Variants in BRINP3 observed in about 807,000 individuals in gnomAD.
The protein encoded by BRINP3 is BMP/retinoic acid inducible neural specific 3.
BRINP3 carries 19 observed loss-of-function variants against 71.0 expected under a neutral mutation model. That is an observed-to-expected ratio of 0.27 (90% CI 0.19 to 0.39). The LOEUF is 0.39. Ranked by LOEUF, BRINP3 falls within the 10% of genes least tolerant of loss-of-function variation. The probability of loss-of-function intolerance (pLI) is 1.00; values close to 1 mark genes in which losing one functional copy is unlikely to be tolerated. For missense variants in BRINP3, 959 were observed against 940.8 expected (o/e 1.02, Z -0.25); for synonymous variants, 380 against 337.7 (o/e 1.13, Z -1.37).
chr1:190,180,885 T>A (rs1018250542), intron 6 of BRINP3, among the ~76,000 whole-genome samples: 12 of 152,096 alleles, frequency 7.9e-5, no homozygotes, highest in African/African-American at 2.9e-4. Flanking sequence ...TCTGTACCTT[T>A]CATCCAGGTT....
intron 6 of BRINP3, among the ~76,000 whole-genome samples, chr1:190,196,008 T>G (rs757404026): frequency 2.2e-4 from 34 of 152,170 alleles, no homozygotes; most frequent in Non-Finnish European, 4.3e-4. Context: ...GTTCAAATGT[T>G]GTAAGCATGA....
At position 190,405,450 on chromosome 1, in the gene BRINP3, C is replaced by CAAAAAAAA. The variant is rs1334402738; in HGVS notation, c.236+49197_236+49204dup. 6.1e-4 allele frequency among the ~76,000 whole-genome samples: 24 copies of CAAAAAAAA among 39,146 alleles called. 8 individuals are homozygous for CAAAAAAAA. Among genetic ancestry groups the CAAAAAAAA allele is most frequent in the South Asian group, 2.2e-3 (2 of 892 alleles). The allele number at this position is 39,146 out of a possible 152,430, so 25.7% of individuals were successfully genotyped here. On this transcript the variant is annotated intron_variant, in intron 2 of 7. Transcript: ENST00000367462. The stretch of plus-strand genomic sequence containing the variant: ...TGGGCGACAGAGCGAGACTCCGTCT[C>CAAAAAAAA]AAAAAAAAAAAAAAAAAAAAAAAAA...
chr1:190,421,599 G>A (rs1400469072), intron 2 of BRINP3, among the ~76,000 whole-genome samples: 1 of 151,558 alleles, frequency 6.6e-6, no homozygotes, highest in Non-Finnish European at 1.5e-5. Flanking sequence ...AGTCATTAAT[G>A]TGACCATATA....
chr1:190,129,844 T>C (rs2102347034), intron 7 of BRINP3, among the ~76,000 whole-genome samples: 1 of 152,092 alleles, frequency 6.6e-6, no homozygotes, highest in Non-Finnish European at 1.5e-5. Context: ...ATGATAAATA[T>C]ATCGATAAGA....
intron 3 of BRINP3, among the ~76,000 whole-genome samples, chr1:190,270,161 A>C (rs908376183): frequency 6.6e-6 from 1 of 151,860 alleles, no homozygotes; most frequent in Non-Finnish European, 1.5e-5. Context: ...ATTTGGAAAA[A>C]AGCATCAAAC....
At chr1:190,100,943 C>G (rs190788173) in intron 7 of BRINP3, among the ~76,000 whole-genome samples, 1 of 152,198 alleles carries the variant, frequency 6.6e-6, no homozygotes, top group African/African-American at 2.4e-5. Context: ...GAAATGCCCT[C>G]ATGAACAGAT....
chr1:190,329,703 G>A (rs1666840418), intron 2 of BRINP3, among the ~76,000 whole-genome samples: 1 of 151,862 alleles, frequency 6.6e-6, no homozygotes, highest in African/African-American at 2.4e-5. Context: ...GCAACCCTGA[G>A]CACAAAGAAC....
At chr1:190,208,331 A>G (rs968335061) in intron 6 of BRINP3, among the ~76,000 whole-genome samples, 32 of 151,948 alleles carry the variant, frequency 2.1e-4, no homozygotes, top group South Asian at 2.1e-4. Flanking sequence ...TGAGGCATTA[A>G]TGATAACCTC....
chr1:190,323,567 G>A (rs1666386896), intron 2 of BRINP3, among the ~76,000 whole-genome samples: 1 of 149,292 alleles, frequency 6.7e-6, no homozygotes, highest in African/African-American at 2.5e-5. Flanking sequence ...ATAATTTAAT[G>A]TCTACCTCAG....
At chr1:190,315,271 T>G (rs1665805556) in intron 2 of BRINP3, among the ~76,000 whole-genome samples, 1 of 152,080 alleles carries the variant, frequency 6.6e-6, no homozygotes. Flanking sequence ...CAGTGATGTT[T>G]GAGCTTAAAA....
intron 4 of BRINP3, among the ~76,000 whole-genome samples, chr1:190,247,438 C>A (rs1659712194): frequency 6.6e-6 from 1 of 151,912 alleles, no homozygotes; most frequent in South Asian, 2.1e-4. Flanking sequence ...TGCATTTTGT[C>A]TATGCTGATG....
chr1:190,290,491 G>C (rs1451242941), intron 2 of BRINP3, among the ~76,000 whole-genome samples: 1 of 152,048 alleles, frequency 6.6e-6, no homozygotes, highest in Non-Finnish European at 1.5e-5. Flanking sequence ...TATTTGACTA[G>C]TTTTCTCCTA....
At chr1:190,461,428 A>AT (rs1434002570) in intron 1 of BRINP3, among the ~76,000 whole-genome samples, 1 of 152,084 alleles carries the variant, frequency 6.6e-6, no homozygotes, top group Non-Finnish European at 1.5e-5. Flanking sequence ...TTGGTTGGTC[A>AT]TTTTTTTATG....
At chr1:190,271,768 G>C (rs1315918247) in intron 3 of BRINP3, among the ~76,000 whole-genome samples, 2 of 151,444 alleles carry the variant, frequency 1.3e-5, no homozygotes, top group East Asian at 1.9e-4. Context: ...GGTAAGTATG[G>C]TGCATCATTA....
chr1:190,308,824 T>C (rs1665312591), intron 2 of BRINP3, among the ~76,000 whole-genome samples: 1 of 151,976 alleles, frequency 6.6e-6, no homozygotes, highest in Non-Finnish European at 1.5e-5. Context: ...TGTTTATATG[T>C]GTTAATATTT....
intron 4 of BRINP3, among the ~76,000 whole-genome samples, chr1:190,237,885 T>C (rs1429866817): frequency 2.0e-5 from 3 of 152,056 alleles, no homozygotes; most frequent in African/African-American, 4.8e-5. Context: ...TCTAAGACTT[T>C]CCATCTGAAA....
intron 6 of BRINP3, among the ~76,000 whole-genome samples, chr1:190,208,272 C>T (rs537896566): frequency 3.2e-4 from 48 of 151,928 alleles, no homozygotes; most frequent in African/African-American, 1.2e-3. Flanking sequence ...AATACATACT[C>T]TTATATCATG....
In BRINP3 at chr1:190,099,669, G is replaced by T. The variant is rs184246067; in HGVS notation, c.1185-535C>A. On this transcript the variant is annotated intron_variant, in intron 7 of 7. Transcript: ENST00000367462. Reference sequence around the variant, plus strand: ...AATGAAAGAAAAACAGCTCTAAATTGTCAATCAGTGTATTTAGATGCTAGG... The same window carrying T: ...AATGAAAGAAAAACAGCTCTAAATTTTCAATCAGTGTATTTAGATGCTAGG... 7.9e-5 allele frequency among the ~76,000 whole-genome samples: 12 copies of T among 152,260 alleles called. No homozygotes were observed. The East Asian group carries it at 2.3e-3, about 29-fold the overall frequency.
chr1:190,454,756 G>C lies in BRINP3; in HGVS notation c.135C>G (p.Asp45Glu), dbSNP rs770700956. ...AGGGTCCCTTATCAGAGAGGAGCCA[G>C]TCGAAGGGGCTTGTGGCATGCTGAT... ...VSDQHATSPF[D>E]WLLSDKGPFH... Residue 45 changes from aspartate to glutamate, a missense_variant, in exon 2 of 8, where the codon GAC becomes GAG. Transcript: ENST00000367462. 6.2e-7 allele frequency: 1 copy of C among 1,614,192 alleles called. No homozygotes were observed. The highest frequency in any genetic ancestry group is 1.1e-5 in the South Asian group (1 of 91,078).
Sources: allele counts gnomAD v4.1 joint callset (sites outside exome capture counted in the v4.1 genomes callset), GRCh38; gene constraint gnomAD v4.1.1; transcripts MANE v1.5; gene names NCBI Gene and HGNC (gene_info 2026-07-23, HGNC 2026-07-21).